Variants in GAB3 observed in about 807,000 individuals in gnomAD.
GAB3 encodes the protein GRB2 associated binding protein 3, also known as GRB2-associated-binding protein 3.
In GAB3, 12 loss-of-function variants were observed where a neutral mutation model predicts 40.4. The observed-to-expected ratio is 0.30, with a 90% confidence interval of 0.19 to 0.48. The LOEUF (loss-of-function observed/expected upper bound fraction) is 0.48, where lower values mean the gene tolerates loss of function less well. Among genes scored for constraint, GAB3 ranks in the 20% least tolerant of loss-of-function variants. The pLI is 0.99. For missense variants in GAB3, 381 were observed against 461.9 expected, an observed-to-expected ratio of 0.82 and a Z score of 1.61; for synonymous variants, 154 against 176.7, an observed-to-expected ratio of 0.87 and a Z score of 1.02.
chrX:154,708,088 T>C (rs1464449832), intron 4 of GAB3, among the ~76,000 whole-genome samples: 2 of 112,194 alleles, frequency 1.8e-5, no homozygotes, highest in African/African-American at 6.5e-5. Context: ...TGGTCAACTA[T>C]GCTTTGACAA....
intron 1 of GAB3, among the ~76,000 whole-genome samples, chrX:154,739,200 A>G (rs1365350747): frequency 8.9e-6 from 1 of 112,098 alleles, no homozygotes; most frequent in Admixed American, 9.4e-5. Flanking sequence ...AAAGCTTCTC[A>G]GTACCATGCC....
chrX:154,748,997 C>A (rs2071570072), intron 1 of GAB3, among the ~76,000 whole-genome samples: 2 of 111,901 alleles, frequency 1.8e-5, no homozygotes, highest in African/African-American at 6.5e-5. Context: ...AGATGCCTGT[C>A]AGCGAAAAAA....
Position 154,713,328 on chromosome X carries a change from T to C in GAB3, c.475A>G (p.Arg159Gly), listed in dbSNP as rs1442552218. 1 of 1,208,339 alleles carries C rather than the reference T, an allele frequency of 8.3e-7. No homozygotes were observed. The highest frequency in any genetic ancestry group is 1.1e-6 in the Non-Finnish European group (1 of 894,680). The change falls in exon 3 of 10, where the codon AGA becomes GGA. Residue 159 changes from arginine to glycine, a missense_variant. This residue lies in a region of GAB3 where 364 missense variants were observed against 421.0 expected (regional missense o/e 0.86). Coordinates refer to ENST00000424127, the MANE Select transcript of GAB3 (RefSeq NM_001081573.3). ...TAHAASSSLPRDDPNTNAVAT... is the reference protein window; with the variant it reads ...TAHAASSSLPGDDPNTNAVAT... The stretch of plus-strand genomic sequence containing the variant: ...ACGGCATTAGTGTTTGGGTCATCTC[T>C]TGGCAAAGAGGAGCTGGCAGCATGG...
chrX:154,694,365 T>C, intron 8 of GAB3, among the ~76,000 whole-genome samples: 1 of 110,435 alleles, frequency 9.1e-6, no homozygotes, highest in East Asian at 2.8e-4. Flanking sequence ...TTAGCTTTGT[T>C]GTTAATGAAA....
At chrX:154,686,288 G>A (rs1557247774) in intron 8 of GAB3, among the ~76,000 whole-genome samples, 1 of 109,585 alleles carries the variant, frequency 9.1e-6, no homozygotes, top group Non-Finnish European at 1.9e-5. Context: ...ACCAAATGGG[G>A]TTTATCTAGA....
At chrX:154,734,937 G>C (rs1557260368) in intron 1 of GAB3, among the ~76,000 whole-genome samples, 1 of 112,007 alleles carries the variant, frequency 8.9e-6, no homozygotes, top group Non-Finnish European at 1.9e-5. Flanking sequence ...AATCTTCTAT[G>C]TTGAATTACA....
Position 154,709,894 on chromosome X carries a change from C to G in GAB3, c.1069+2335G>C, listed in dbSNP as rs150109313. On this transcript the variant is annotated intron_variant, in intron 4 of 9. Coordinates refer to ENST00000424127, the MANE Select transcript of GAB3 (RefSeq NM_001081573.3). ...ACTTATATGTGGAATCTAAAAAAGT[C>G]AAACTCATGGCAATAGTAAAATGGT... Among the ~76,000 whole-genome samples the G allele has an allele frequency of 2.1e-3, 238 of 111,336 alleles. 2 individuals carry two copies. The highest frequency in any genetic ancestry group is 0.016 in the Admixed American group (167 of 10,515).
At chrX:154,704,261 G>A (rs1412112919) in intron 4 of GAB3, among the ~76,000 whole-genome samples, 3 of 109,623 alleles carry the variant, frequency 2.7e-5, no homozygotes, top group African/African-American at 1.0e-4. Context: ...AGGTAGCCAG[G>A]GTGGGGGGCT....
intron 4 of GAB3, among the ~76,000 whole-genome samples, chrX:154,709,522 A>G (rs1352596385): frequency 1.8e-5 from 2 of 108,691 alleles, no homozygotes; most frequent in Non-Finnish European, 3.8e-5. Context: ...GTTCCACCAT[A>G]TTGGCCAGGC....
chrX:154,736,219 A>C (rs145189402), intron 1 of GAB3, among the ~76,000 whole-genome samples: 3,179 of 112,235 alleles, frequency 0.028, 113 homozygotes, highest in African/African-American at 0.098. Flanking sequence ...CTCACAACAA[A>C]CCCATGACGC....
chrX:154,713,853 TTTA>T (rs1268421494), intron 2 of GAB3, among the ~76,000 whole-genome samples: 1 of 98,729 alleles, frequency 1.0e-5, no homozygotes, highest in Non-Finnish European at 2.0e-5. Context: ...CCTATACATG[TTTA>T]TTATATAGGT....
At chrX:154,697,288 C>T in intron 6 of GAB3, 75 bp from the exon 7 acceptor site, 2 of 684,956 alleles carry the variant, frequency 2.9e-6, no homozygotes, top group Non-Finnish European at 4.3e-6. Context: ...ATTTCACTTT[C>T]CCAGCACACC....
At chrX:154,748,873 C>T (rs1227857179) in intron 1 of GAB3, among the ~76,000 whole-genome samples, 1 of 111,794 alleles carries the variant, frequency 8.9e-6, no homozygotes, top group Admixed American at 9.5e-5. Context: ...CTGTAACAGC[C>T]CTATCCAGGC....
At chrX:154,715,079 T>C (rs782656275) in intron 2 of GAB3, among the ~76,000 whole-genome samples, 1 of 112,433 alleles carries the variant, frequency 8.9e-6, no homozygotes, top group African/African-American at 3.2e-5. Context: ...AAGCACACTC[T>C]TGTGCCTGTC....
intron 2 of GAB3, among the ~76,000 whole-genome samples, chrX:154,715,047 C>T (rs2071023737): frequency 1.8e-5 from 2 of 112,303 alleles, no homozygotes; most frequent in African/African-American, 3.2e-5. Context: ...GTTCATGAAA[C>T]GAAAAGGAAT....
intron 1 of GAB3, among the ~76,000 whole-genome samples, chrX:154,728,516 GACA>G: frequency 8.9e-6 from 1 of 112,026 alleles, no homozygotes; most frequent in Middle Eastern, 4.7e-3. Context: ...CAGATTAAAA[GACA>G]ACAAGGAGAA....
intron 1 of GAB3, among the ~76,000 whole-genome samples, chrX:154,742,636 C>A (rs1164320859): frequency 2.7e-5 from 3 of 111,465 alleles, no homozygotes; most frequent in African/African-American, 9.8e-5. Context: ...TAAGAAAGAT[C>A]TCATATCAAT....
intron 4 of GAB3, among the ~76,000 whole-genome samples, chrX:154,707,908 A>G (rs1401793239): frequency 1.8e-4 from 20 of 112,636 alleles, no homozygotes; most frequent in African/African-American, 6.4e-4. Flanking sequence ...AACATAAAAA[A>G]TAGCAAATAC....
chrX:154,728,644 T>G (rs2071247813), intron 1 of GAB3, among the ~76,000 whole-genome samples: 1 of 112,245 alleles, frequency 8.9e-6, no homozygotes, highest in African/African-American at 3.2e-5. Flanking sequence ...GAGTTACAGA[T>G]AGAACACAGA....
Sources: allele counts gnomAD v4.1 joint callset (sites outside exome capture counted in the v4.1 genomes callset), GRCh38; gene constraint gnomAD v4.1.1; regional missense constraint gnomAD v4.1.1; transcripts MANE v1.5; gene names NCBI Gene and HGNC (gene_info 2026-07-23, HGNC 2026-07-21).